The following RTN4 variants were observed in gnomAD, a reference collection of about 807,000 sequenced individuals.
RTN4 encodes the protein reticulon-4.
A neutral mutation model predicts 90.4 loss-of-function variants in RTN4; 32 were observed. The observed-to-expected ratio is 0.35, with a 90% CI of 0.27 to 0.48. RTN4 has a LOEUF of 0.48. RTN4 is among the 20% of genes least tolerant of loss of function. The pLI, the probability that RTN4 is intolerant of heterozygous loss-of-function variation, is 0.99. For missense variants in RTN4, 1,706 were observed against 1,430.2 expected (o/e 1.19, Z -3.11); for synonymous variants, 629 against 552.5 (o/e 1.14, Z -1.94).
At chr2:55,089,984 G>A (rs185696071) in intron 1 of RTN4, among the ~76,000 whole-genome samples, 135 of 152,332 alleles carry the variant, frequency 8.9e-4, no homozygotes, top group East Asian at 2.1e-3. Flanking sequence ...GAATAGGCAC[G>A]AGGAATTGTT....
intron 2 of RTN4, among the ~76,000 whole-genome samples, chr2:55,077,514 G>A (rs1424308775): frequency 1.3e-5 from 2 of 152,076 alleles, no homozygotes; most frequent in Admixed American, 6.6e-5. Flanking sequence ...TTACATTGTT[G>A]GTGGGAATGA....
In RTN4 at chr2:55,026,302, T is replaced by C; in HGVS notation, c.1797A>G (p.Ser599=). Reference sequence around the variant, plus strand: ...AAGGAGTAGCTTCTGACTCTTCAAATGATGGGCAAAGCTGTGCTGCAGGAT... The same window carrying C: ...AAGGAGTAGCTTCTGACTCTTCAAACGATGGGCAAAGCTGTGCTGCAGGAT... The part of the protein sequence containing the change: ...SLYPAAQLCP[S]FEESEATPSP... The change falls in exon 3 of 9, where the codon TCA becomes TCG. Residue 599 remains serine (S), a synonymous_variant. Transcript: ENST00000337526. 6.2e-7 allele frequency: 1 copy of C among 1,613,970 alleles called. No homozygotes were observed. The highest frequency in any genetic ancestry group is 2.2e-5 in the East Asian group (1 of 44,874).
At chr2:55,070,343 G>C (rs527674714) in intron 2 of RTN4, among the ~76,000 whole-genome samples, 2 of 151,850 alleles carry the variant, frequency 1.3e-5, no homozygotes, top group African/African-American at 4.8e-5. Flanking sequence ...AGGATCCCGT[G>C]AGCTCAGGAG....
chr2:54,977,381 G>A (rs1384219686), intron 5 of RTN4, among the ~76,000 whole-genome samples: 1 of 148,304 alleles, frequency 6.7e-6, no homozygotes, highest in Non-Finnish European at 1.5e-5. Flanking sequence ...GTTCTTCTGG[G>A]TCAGCTATTT....
intron 1 of RTN4, among the ~76,000 whole-genome samples, chr2:55,086,509 A>C (rs930933333): frequency 1.6e-4 from 20 of 128,150 alleles, no homozygotes; most frequent in Admixed American, 2.4e-4. Flanking sequence ...AAAAAAAAAA[A>C]ACATTTAAAA....
intron 3 of RTN4, among the ~76,000 whole-genome samples, chr2:54,993,172 T>C (rs1679162022): frequency 6.6e-6 from 1 of 152,178 alleles, no homozygotes; most frequent in Non-Finnish European, 1.5e-5. Context: ...ATAACGGGAT[T>C]ATCAATGAGT....
the RTN4 span, among the ~76,000 whole-genome samples, chr2:55,122,619 T>A: frequency 6.6e-6 from 1 of 152,156 alleles, no homozygotes; most frequent in South Asian, 2.1e-4. Context: ...CACACATGGG[T>A]CAGTCCTATG....
chr2:55,136,398 T>C, the RTN4 span, among the ~76,000 whole-genome samples: 5 of 152,182 alleles, frequency 3.3e-5, no homozygotes, highest in East Asian at 9.6e-4. Flanking sequence ...CCCAGAACCA[T>C]GCCAATTATA....
At chr2:55,031,203 A>G (rs959422781) in intron 1 of RTN4, among the ~76,000 whole-genome samples, 6 of 152,234 alleles carry the variant, frequency 3.9e-5, no homozygotes, top group African/African-American at 7.2e-5. Context: ...TATGGGCAAA[A>G]TACTAGAAGC....
At chr2:55,126,905 T>G in the RTN4 span, among the ~76,000 whole-genome samples, 1 of 152,156 alleles carries the variant, frequency 6.6e-6, no homozygotes, top group Non-Finnish European at 1.5e-5. Flanking sequence ...GGCAAATTAA[T>G]GCAGGAACGG....
At position 54,973,980 on chromosome 2, in the gene RTN4, A is replaced by G. The variant is rs552680772; in HGVS notation, c.3431-113T>C. 5.6e-5 allele frequency: 48 copies of G among 860,332 alleles called. No individual in the cohort carries two copies. The African/African-American group carries it at 7.9e-4, about 14-fold the overall frequency. 53.3% of individuals were successfully genotyped at this position (860,332 alleles called of 1,614,324 possible). ...AGATAACCAAGCAGTGTTCCTAATG[A>G]ATGAATAAAAACATAAGGATCTCTG... On this transcript the variant is annotated intron_variant, in intron 6 of 8. Transcript: ENST00000337526.
At chr2:55,041,585 A>G (rs1683080481) in intron 1 of RTN4, among the ~76,000 whole-genome samples, 1 of 152,118 alleles carries the variant, frequency 6.6e-6, no homozygotes, top group African/African-American at 2.4e-5. Context: ...CAAAAATGGT[A>G]CTTCAAAGTG....
rs202072654 is a variant in RTN4 at position 55,049,098 on chromosome 2, T to C, written c.556+647A>G. The C allele has an allele frequency of 4.1e-6, 4 of 985,660 alleles. No homozygotes were observed. In the African/African-American group the frequency reaches 5.2e-5, roughly 13 times the overall value. The allele number at this position is 985,660 out of a possible 1,614,324, so 61.1% of individuals were successfully genotyped here. ...CTTTACCAGAACTCTCTCCTTCCCA[T>C]TTCTCCACGCACCACACCACTGGAG... is the stretch of plus-strand genomic sequence containing the variant. On this transcript the variant is annotated intron_variant, in intron 1 of 8. Transcript: ENST00000337526.
chr2:55,075,159 G>A (rs564977746), intron 2 of RTN4, among the ~76,000 whole-genome samples: 1 of 152,262 alleles, frequency 6.6e-6, no homozygotes, highest in East Asian at 1.9e-4. Context: ...CTGATGACAT[G>A]GTCTTATACC....
Position 54,973,055 on chromosome 2 carries a change from T to C in RTN4, c.*101A>G, listed in dbSNP as rs1461859073. 1.1e-6 allele frequency: 1 copy of C among 900,912 alleles called. No individual in the cohort carries two copies. Among genetic ancestry groups the C allele is most frequent in the East Asian group, 2.5e-5 (1 of 39,846 alleles). 55.8% of individuals were successfully genotyped at this position (900,912 alleles called of 1,614,324 possible). On this transcript the variant is annotated 3_prime_UTR_variant, in exon 9 of 9. Transcript: ENST00000337526. ...AAGATCTAACAACGATCTGTGAAAC[T>C]GCACTGCAACGTCAAGGTTCGTTCT...
chr2:55,033,072 A>G (rs1682439001), intron 1 of RTN4, among the ~76,000 whole-genome samples: 1 of 151,706 alleles, frequency 6.6e-6, no homozygotes, highest in African/African-American at 2.4e-5. Flanking sequence ...AAAAGAAAAA[A>G]TGGCCTAAAA....
chr2:55,101,725 C>T (rs548451073), intron 1 of RTN4, among the ~76,000 whole-genome samples: 1 of 152,170 alleles, frequency 6.6e-6, no homozygotes, highest in African/African-American at 2.4e-5. Flanking sequence ...TGAACCAGCC[C>T]TGTGGATATC....
chr2:55,028,662 A>T (rs1682085906), intron 1 of RTN4, among the ~76,000 whole-genome samples: 1 of 152,220 alleles, frequency 6.6e-6, no homozygotes, highest in South Asian at 2.1e-4. Context: ...CATATATTCA[A>T]TTTAAAGAAA....
chr2:54,988,567 T>C, intron 3 of RTN4, among the ~76,000 whole-genome samples: 1 of 152,274 alleles, frequency 6.6e-6, no homozygotes, highest in Non-Finnish European at 1.5e-5. Flanking sequence ...AAGATCTGTC[T>C]TTTAGAAACA....
Sources: gnomAD v4.1 joint callset for allele counts (sites outside exome capture counted in the v4.1 genomes callset) on GRCh38, gnomAD v4.1.1 for gene constraint, MANE v1.5 for transcripts, NCBI Gene and HGNC (gene_info 2026-07-23, HGNC 2026-07-21) for gene names.